ZNF407: variants seen among roughly 807,000 people sequenced by gnomAD.
ZNF407 encodes the protein zinc finger protein 407.
Under a neutral mutation model 131.2 loss-of-function variants are expected in ZNF407, and 17 were observed. The observed-to-expected ratio is 0.13, with a 90% CI of 0.09 to 0.19. The LOEUF is 0.19. Among genes scored for constraint, ZNF407 ranks in the 10% least tolerant of loss-of-function variants. The probability of loss-of-function intolerance (pLI) is 1.00; values close to 1 mark genes in which losing one functional copy is unlikely to be tolerated. For synonymous variants in ZNF407, 1,156 were observed against 1,062.0 expected, an observed-to-expected ratio of 1.09 and a Z score of -1.72; for missense variants, 2,681 against 2,830.6, an observed-to-expected ratio of 0.95 and a Z score of 1.20.
At chr18:74,966,682 G>A (rs985755781) in intron 8 of ZNF407, among the ~76,000 whole-genome samples, 20 of 152,026 alleles carry the variant, frequency 1.3e-4, no homozygotes, top group African/African-American at 1.9e-4. Context: ...TTAGGATTTT[G>A]TGTTTCTGTG....
At chr18:74,784,530 G>A (rs1319988673) in intron 4 of ZNF407, among the ~76,000 whole-genome samples, 2 of 152,164 alleles carry the variant, frequency 1.3e-5, no homozygotes, top group Admixed American at 1.3e-4. Context: ...GAACACCTGA[G>A]GTGATGGCTT....
intron 3 of ZNF407, among the ~76,000 whole-genome samples, chr18:74,716,716 C>A (rs533989415): frequency 6.6e-6 from 1 of 151,980 alleles, no homozygotes; most frequent in Non-Finnish European, 1.5e-5. Flanking sequence ...AGAAGTGGTT[C>A]GAAATAATCA....
In ZNF407 at chr18:74,703,624, C is replaced by G. The variant is rs572034155; in HGVS notation, c.4802+62502C>G. The stretch of plus-strand genomic sequence containing the variant: ...CAGGTGATCTGCCCTCCTCGGCCTC[C>G]CAAAGTGCTGGGATTACAGTTGTGA... On this transcript the variant is annotated intron_variant, in intron 3 of 8. Coordinates refer to ENST00000299687, the MANE Select transcript of ZNF407 (RefSeq NM_017757.3). The surrounding 1 kb of genome is among the most constrained non-coding windows in gnomAD (Gnocchi z 4.1). 1.3e-5 allele frequency among the ~76,000 whole-genome samples: 2 copies of G among 152,246 alleles called. No homozygotes were observed. Among genetic ancestry groups the G allele is most frequent in the South Asian group, 4.2e-4 (2 of 4,814 alleles).
intron 4 of ZNF407, among the ~76,000 whole-genome samples, chr18:74,833,836 T>C (rs918312781): frequency 1.3e-5 from 2 of 152,154 alleles, no homozygotes; most frequent in African/African-American, 4.8e-5. Context: ...GTGGCTCCAT[T>C]GACCAAGATG....
At chr18:74,720,430 T>A (rs907209413) in intron 3 of ZNF407, among the ~76,000 whole-genome samples, 2 of 151,970 alleles carry the variant, frequency 1.3e-5, no homozygotes, top group Non-Finnish European at 2.9e-5. Context: ...AGTTTACAGG[T>A]ATTTTCTCCC....
chr18:74,763,749 G>A (rs1188492476), intron 3 of ZNF407, among the ~76,000 whole-genome samples: 9 of 117,130 alleles, frequency 7.7e-5, no homozygotes, highest in East Asian at 5.3e-4. Context: ...TCGCTCTGTC[G>A]CCCAGGCTGG....
intron 4 of ZNF407, among the ~76,000 whole-genome samples, chr18:74,785,790 C>T (rs1453021892): frequency 6.7e-6 from 1 of 149,370 alleles, no homozygotes. Context: ...ACACATGTCA[C>T]CCACATGGCA....
chr18:75,058,060 G>A (rs1973581498), intron 8 of ZNF407, among the ~76,000 whole-genome samples: 1 of 152,168 alleles, frequency 6.6e-6, no homozygotes. Context: ...ACGCAGCCCT[G>A]TGCTGCTTCC....
At chr18:74,654,850 A>C (rs75037949) in intron 3 of ZNF407, among the ~76,000 whole-genome samples, 247 of 152,004 alleles carry the variant, frequency 1.6e-3, no homozygotes, top group African/African-American at 5.6e-3. Context: ...GTTCACTACC[A>C]AATTGAAGTT....
rs2122298100 is a variant in ZNF407 at position 75,063,433 on chromosome 18, T to C, written c.5712T>C (p.His1904=). The change falls in exon 9 of 9, where the codon CAT becomes CAC. Residue 1904 remains histidine, a synonymous_variant. Coordinates refer to ENST00000299687, the MANE Select transcript of ZNF407 (RefSeq NM_017757.3). The surrounding 1 kb of genome is among the most constrained non-coding windows in gnomAD (Gnocchi z 6.6). ...AMAGQVARVV[H]ITEDGQVIAT... Reference sequence around the variant, plus strand: ...CCGGCCAGGTGGCCCGGGTGGTGCATATCACGGAGGATGGCCAGGTCATCG... The same window carrying C: ...CCGGCCAGGTGGCCCGGGTGGTGCACATCACGGAGGATGGCCAGGTCATCG... 6.2e-7 allele frequency: 1 copy of C among 1,609,314 alleles called. No homozygotes were observed. The highest frequency in any genetic ancestry group is 8.5e-7 in the Non-Finnish European group (1 of 1,178,542).
intron 8 of ZNF407, among the ~76,000 whole-genome samples, chr18:75,018,523 A>G (rs1973071087): frequency 6.6e-6 from 1 of 152,012 alleles, no homozygotes; most frequent in African/African-American, 2.4e-5. Context: ...AACAATCCAC[A>G]ATGTCATAAC....
intron 5 of ZNF407, among the ~76,000 whole-genome samples, chr18:74,880,393 C>T (rs1192338981): frequency 6.6e-6 from 1 of 152,150 alleles, no homozygotes; most frequent in African/African-American, 2.4e-5. Flanking sequence ...AATTTTTGTA[C>T]AATTTCTGTA....
At chr18:74,649,821 C>G (rs1397376344) in intron 3 of ZNF407, among the ~76,000 whole-genome samples, 1 of 152,208 alleles carries the variant, frequency 6.6e-6, no homozygotes, top group African/African-American at 2.4e-5. Context: ...ATAATGGACA[C>G]AGGTTTAAGC....
rs1006444997 is a variant in ZNF407 at position 74,616,331 on chromosome 18, A to C, written c.-53-14636A>C. On this transcript the variant is annotated intron_variant, in intron 1 of 8. Transcript: ENST00000299687. ...TACTAGGAAAGGTATAATTTTCAGT[A>C]AACCTTCAGTTGAAGATAAAGCTTT... is the stretch of plus-strand genomic sequence containing the variant. Among the ~76,000 whole-genome samples the C allele has an allele frequency of 2.1e-3, 326 of 152,320 alleles. 3 individuals are homozygous for C. The highest frequency in any genetic ancestry group is 7.0e-3 in the African/African-American group (291 of 41,560).
chr18:74,835,564 AAAG>A (rs750294437), intron 4 of ZNF407, among the ~76,000 whole-genome samples: 6 of 152,090 alleles, frequency 3.9e-5, no homozygotes, highest in Non-Finnish European at 8.8e-5. Flanking sequence ...TGTTAGAGAT[AAAG>A]AAGTAAACTT....
chr18:74,854,149 A>G (rs942589140), intron 4 of ZNF407, among the ~76,000 whole-genome samples: 1 of 152,226 alleles, frequency 6.6e-6, no homozygotes, highest in Admixed American at 6.5e-5. Flanking sequence ...CCCTGGGGAC[A>G]GGTGATACGG....
At chr18:74,790,304 A>G (rs759746776) in intron 4 of ZNF407, among the ~76,000 whole-genome samples, 1 of 152,166 alleles carries the variant, frequency 6.6e-6, no homozygotes, top group Admixed American at 6.6e-5. Flanking sequence ...ATAAGATAAA[A>G]CCGAATTCTG....
At chr18:74,604,083 T>A (rs540932085) in intron 1 of ZNF407, among the ~76,000 whole-genome samples, 6 of 152,128 alleles carry the variant, frequency 3.9e-5, no homozygotes, top group Admixed American at 1.3e-4. Context: ...TTAGGCATCA[T>A]CATTAGTGGA....
intron 3 of ZNF407, among the ~76,000 whole-genome samples, chr18:74,736,043 T>C (rs1968404125): frequency 6.6e-6 from 1 of 152,252 alleles, no homozygotes. Context: ...CACTCTCATT[T>C]GCATGATAGG....
Sources: gnomAD v4.1 joint callset for allele counts (sites outside exome capture counted in the v4.1 genomes callset) on GRCh38, gnomAD v4.1.1 for gene constraint, Gnocchi (gnomAD v3.1) non-coding constraint, MANE v1.5 for transcripts, NCBI Gene and HGNC (gene_info 2026-07-23, HGNC 2026-07-21) for gene names.